The following C3orf20 variants were observed in gnomAD, a reference collection of about 807,000 sequenced individuals.
C3orf20 encodes uncharacterized protein C3orf20.
Under a neutral mutation model 88.3 loss-of-function variants are expected in C3orf20, and 76 were observed. That is an observed-to-expected ratio of 0.86 (90% CI 0.72 to 1.04). The LOEUF is 1.04. Ranked by LOEUF, C3orf20 falls within the 50% of genes least tolerant of loss-of-function variation. The pLI is 0.00. For synonymous variants in C3orf20, 436 were observed against 437.4 expected, an observed-to-expected ratio of 1.00 and a Z score of 0.04; for missense variants, 1,056 against 1,123.3, an observed-to-expected ratio of 0.94 and a Z score of 0.86.
At chr3:14,713,561 T>C (rs1430223078) in intron 7 of C3orf20, among the ~76,000 whole-genome samples, 2 of 152,228 alleles carry the variant, frequency 1.3e-5, no homozygotes, top group African/African-American at 2.4e-5. Flanking sequence ...ATTAGAAATA[T>C]TGCTGGCCTC....
At chr3:14,709,468 T>A (rs2124948756) in intron 7 of C3orf20, among the ~76,000 whole-genome samples, 1 of 152,340 alleles carries the variant, frequency 6.6e-6, no homozygotes, top group Admixed American at 6.5e-5. Flanking sequence ...AAGTTTTCAT[T>A]CTTTCACCAT....
chr3:14,732,648 C>T (rs1276525349), intron 12 of C3orf20, among the ~76,000 whole-genome samples: 1 of 152,192 alleles, frequency 6.6e-6, no homozygotes, highest in African/African-American at 2.4e-5. Context: ...GGGGGTGCTA[C>T]TGCCATCTCG....
At chr3:14,688,540 A>AG (rs1575092947) in intron 4 of C3orf20, among the ~76,000 whole-genome samples, 2 of 151,074 alleles carry the variant, frequency 1.3e-5, no homozygotes, top group South Asian at 2.1e-4. Flanking sequence ...AAAAAAAAAA[A>AG]AAAAAAGAAA....
At chr3:14,763,341 G>T (rs1253628777) in intron 15 of C3orf20, among the ~76,000 whole-genome samples, 1 of 152,162 alleles carries the variant, frequency 6.6e-6, no homozygotes, top group Non-Finnish European at 1.5e-5. Flanking sequence ...TCTGGGAAGG[G>T]CTGCTTCCTG....
At chr3:14,752,575 T>C (rs1035357470) in intron 12 of C3orf20, among the ~76,000 whole-genome samples, 1 of 152,124 alleles carries the variant, frequency 6.6e-6, no homozygotes, top group Admixed American at 6.5e-5. Flanking sequence ...AGAAAAGTTT[T>C]GCAATCTATC....
intron 5 of C3orf20, among the ~76,000 whole-genome samples, chr3:14,692,003 C>T (rs1308004832): frequency 6.6e-6 from 1 of 152,202 alleles, no homozygotes; most frequent in African/African-American, 2.4e-5. Flanking sequence ...GTTTGCCTTT[C>T]TGTGTCTGGC....
intron 15 of C3orf20, among the ~76,000 whole-genome samples, chr3:14,769,683 A>G (rs2035808983): frequency 6.6e-6 from 1 of 152,144 alleles, no homozygotes; most frequent in Non-Finnish European, 1.5e-5. Flanking sequence ...GCATCAGGGA[A>G]CCACACACTG....
rs2033276581 is a variant in C3orf20, at chr3:14,701,831, A to T, written c.746-1299A>T. ...TCCTGGAACCCGGGGAGACATGGCCAGTCTCATCACTTTGCACAAGTCAGT... is the reference window on the plus strand; with the variant it reads ...TCCTGGAACCCGGGGAGACATGGCCTGTCTCATCACTTTGCACAAGTCAGT... On this transcript the variant is annotated intron_variant, in intron 5 of 16. Coordinates refer to ENST00000253697, the MANE Select transcript of C3orf20 (RefSeq NM_032137.5). This position sits in a 1 kb window ranked among gnomAD's most constrained non-coding sequence, Gnocchi z 4.6. Among the ~76,000 whole-genome samples, 1 of 152,192 alleles carries T rather than the reference A, an allele frequency of 6.6e-6. No homozygotes were observed. Among genetic ancestry groups the T allele is most frequent in the African/African-American group, 2.4e-5 (1 of 41,452 alleles).
At chr3:14,753,690 C>G (rs1371552120) in intron 12 of C3orf20, among the ~76,000 whole-genome samples, 1 of 152,084 alleles carries the variant, frequency 6.6e-6, no homozygotes, top group African/African-American at 2.4e-5. Flanking sequence ...CCCTGGAAAT[C>G]AAATTTCACC....
chr3:14,676,629 C>G (rs542639244), intron 1 of C3orf20, among the ~76,000 whole-genome samples: 2 of 152,276 alleles, frequency 1.3e-5, no homozygotes, highest in East Asian at 3.9e-4. Context: ...ACTCCTCCCC[C>G]CCATTTTGAA....
chr3:14,699,702 G>A (rs1341218787), intron 5 of C3orf20, among the ~76,000 whole-genome samples: 2 of 152,208 alleles, frequency 1.3e-5, no homozygotes, highest in East Asian at 3.8e-4. Context: ...GGAGCCATGA[G>A]CTGTGCCACT....
At chr3:14,750,802 G>T (rs2125021772) in intron 12 of C3orf20, among the ~76,000 whole-genome samples, 1 of 149,416 alleles carries the variant, frequency 6.7e-6, no homozygotes, top group East Asian at 2.0e-4. Flanking sequence ...ATCCCACTTT[G>T]AATTTGTTAA....
chr3:14,716,840 A>G (rs1412520276), intron 9 of C3orf20, among the ~76,000 whole-genome samples: 3 of 152,184 alleles, frequency 2.0e-5, no homozygotes, highest in African/African-American at 7.2e-5. Flanking sequence ...ACAGCCCCAG[A>G]GCAACCCTGA....
At chr3:14,715,159 T>C in intron 8 of C3orf20, 130 bp from the exon 9 acceptor site, 1 of 1,160,240 alleles carries the variant, frequency 8.6e-7, no homozygotes, top group South Asian at 1.9e-5. Context: ...GAAAGTAAGG[T>C]TGACTGCAGG....
At chr3:14,724,070 C>T (rs561585554) in intron 10 of C3orf20, among the ~76,000 whole-genome samples, 81 of 152,208 alleles carry the variant, frequency 5.3e-4, no homozygotes, top group African/African-American at 1.9e-3. Context: ...CCACGCGCCT[C>T]AGCCTCCCAA....
intron 9 of C3orf20, among the ~76,000 whole-genome samples, chr3:14,720,103 C>T (rs1246858965): frequency 6.6e-6 from 1 of 152,138 alleles, no homozygotes; most frequent in Non-Finnish European, 1.5e-5. Flanking sequence ...GATCTCAGCT[C>T]ACTGCAAGCT....
chr3:14,754,309 A>G (rs751780915), intron 12 of C3orf20, among the ~76,000 whole-genome samples: 1 of 152,202 alleles, frequency 6.6e-6, no homozygotes, highest in Non-Finnish European at 1.5e-5. Flanking sequence ...AACAAAGTCA[A>G]GCTCTGAGCT....
intron 12 of C3orf20, among the ~76,000 whole-genome samples, chr3:14,747,820 G>T (rs1465284763): frequency 3.3e-5 from 5 of 151,766 alleles, no homozygotes; most frequent in African/African-American, 1.2e-4. Context: ...GAAGACAAAG[G>T]CAGGCTTTAT....
intron 9 of C3orf20, among the ~76,000 whole-genome samples, chr3:14,717,730 C>G (rs907418040): frequency 6.6e-6 from 1 of 151,904 alleles, no homozygotes; most frequent in Non-Finnish European, 1.5e-5. Context: ...TGAAGAACTT[C>G]TTTTGGCTTT....
Sources: gnomAD v4.1 joint callset for allele counts (sites outside exome capture counted in the v4.1 genomes callset) on GRCh38, gnomAD v4.1.1 for gene constraint, Gnocchi (gnomAD v3.1) non-coding constraint, MANE v1.5 for transcripts, NCBI Gene and HGNC (gene_info 2026-07-23, HGNC 2026-07-21) for gene names.